DNAJA3: variants seen among roughly 807,000 people sequenced by gnomAD.
DNAJA3 encodes dnaJ homolog subfamily A member 3, mitochondrial.
Under a neutral mutation model 54.9 loss-of-function variants are expected in DNAJA3, and 29 were observed. That is an observed-to-expected ratio of 0.53 (90% confidence interval 0.39 to 0.72). The LOEUF (loss-of-function observed/expected upper bound fraction) is 0.72. DNAJA3 is among the 30% of genes least tolerant of loss of function. DNAJA3 has a pLI of 0.00. For synonymous variants in DNAJA3, 302 were observed against 251.4 expected (o/e 1.20, Z -1.90); for missense variants, 708 against 639.4 (o/e 1.11, Z -1.16).
intron 7 of DNAJA3, among the ~76,000 whole-genome samples, chr16:4,444,940 A>G (rs1046425339): frequency 4.6e-5 from 7 of 152,222 alleles, no homozygotes; most frequent in Non-Finnish European, 1.5e-5. Context: ...CTTCTTCAAC[A>G]TGCTAACAAG....
chr16:4,455,507 A>G, intron 11 of DNAJA3, 39 bp from the exon 12 acceptor site: 1 of 1,551,040 alleles, frequency 6.4e-7, no homozygotes, highest in Non-Finnish European at 8.7e-7. Context: ...TTCCCTTGAA[A>G]TGTTGAGTAT....
intron 2 of DNAJA3, among the ~76,000 whole-genome samples, chr16:4,437,115 C>CAT (rs1259500528): frequency 6.6e-6 from 1 of 152,158 alleles, no homozygotes; most frequent in African/African-American, 2.4e-5. Context: ...GGACCACAGG[C>CAT]ATGTGCCACC....
chr16:4,429,281 C>T (rs1328438939), intron 1 of DNAJA3, among the ~76,000 whole-genome samples: 1 of 151,684 alleles, frequency 6.6e-6, no homozygotes, highest in Non-Finnish European at 1.5e-5. Context: ...GATCTTGACT[C>T]ACCGTGATCT....
At chr16:4,438,018 A>G (rs577983252) in intron 3 of DNAJA3, among the ~76,000 whole-genome samples, 16 of 152,044 alleles carry the variant, frequency 1.1e-4, no homozygotes, top group Non-Finnish European at 2.2e-4. Context: ...TGGAATCTCA[A>G]TGAAGAACAG....
chr16:4,443,055 G>T lies in DNAJA3; in HGVS notation c.822G>T (p.Thr274=), dbSNP rs746113110. ...CAGGCCCTTTTGTGATGCGTTCCAC[G>T]TGTAGGAGATGTGGTGGCCGCGGCT... ...INTGPFVMRS[T]CRRCGGRGSI... The change falls in exon 6 of 12, where the codon ACG becomes ACT. Residue 274 remains threonine, a synonymous_variant. Transcript: ENST00000262375. 6.2e-7 allele frequency: 1 copy of T among 1,614,112 alleles called. No homozygotes were observed. The highest frequency in any genetic ancestry group is 2.2e-5 in the East Asian group (1 of 44,882).
chr16:4,437,786 C>CAAA (rs1209856777), intron 3 of DNAJA3, among the ~76,000 whole-genome samples: 1 of 76,790 alleles, frequency 1.3e-5, no homozygotes, highest in Admixed American at 1.6e-4. Flanking sequence ...CACGTCTCTA[C>CAAA]AAAAAAAAAA....
At chr16:4,453,736 C>T (rs1357390825) in intron 10 of DNAJA3, among the ~76,000 whole-genome samples, 1 of 152,154 alleles carries the variant, frequency 6.6e-6, no homozygotes, top group Non-Finnish European at 1.5e-5. Flanking sequence ...CCGGCCTTTT[C>T]TTTTTTGAGA....
chr16:4,427,399 T>G (rs1167089854), intron 1 of DNAJA3: 1 of 152,230 alleles, frequency 6.6e-6, no homozygotes, highest in African/African-American at 2.4e-5. Context: ...TGCAATCCAG[T>G]TTGTAATAGT....
intron 10 of DNAJA3, among the ~76,000 whole-genome samples, chr16:4,450,816 CG>C (rs2056969081): frequency 6.6e-6 from 1 of 152,184 alleles, no homozygotes; most frequent in Non-Finnish European, 1.5e-5. Flanking sequence ...CCTGTGACCT[CG>C]GACAAATCCT....
intron 11 of DNAJA3, 90 bp from the exon 12 acceptor site, chr16:4,455,456 C>A: frequency 6.8e-7 from 1 of 1,475,076 alleles, no homozygotes; most frequent in Non-Finnish European, 9.3e-7. Context: ...CTTGGCACAG[C>A]TGCTTTCCAG....
Position 4,425,957 on chromosome 16 carries a change from G to A in DNAJA3, c.76G>A (p.Gly26Arg). Residue 26 changes from glycine (G) to arginine (R), a missense_variant, in exon 1 of 12, where the codon GGG becomes AGG. Transcript: ENST00000262375. ...TPRLPAISGR[G>R]ARPPREGVVG... ...GCGGCTGCCGGCTATATCGGGTAGA[G>A]GGGCCCGGCCGCCCAGGGAGGGCGT... is the stretch of plus-strand genomic sequence containing the variant. 3 of 1,573,926 alleles carry A rather than the reference G, an allele frequency of 1.9e-6. No individual in the cohort carries two copies. Among genetic ancestry groups the A allele is most frequent in the Non-Finnish European group, 2.6e-6 (3 of 1,161,646 alleles).
At chr16:4,434,293 T>C in intron 1 of DNAJA3, 91 bp from the exon 2 acceptor site, 1 of 1,430,424 alleles carries the variant, frequency 7.0e-7, no homozygotes, top group Non-Finnish European at 9.6e-7. Context: ...TGTTTGTTCC[T>C]TCACAGATAT....
rs2056939055 is a variant in DNAJA3, at chr16:4,448,803, A to G, written c.1196A>G (p.Tyr399Cys). 6.2e-7 allele frequency: 1 copy of G among 1,614,102 alleles called. No individual in the cohort carries two copies. The highest frequency in any genetic ancestry group is 8.5e-7 in the Non-Finnish European group (1 of 1,179,986). Residue 399 changes from tyrosine to cysteine, a missense_variant, in exon 9 of 12, where the codon TAC becomes TGC. Physicochemically the swap from Tyr to Cys is radical, Grantham distance 194 (BLOSUM62 -2). Coordinates refer to ENST00000262375, the MANE Select transcript of DNAJA3 (RefSeq NM_005147.6). ...GGKGIPRINS[Y>C]GYGDHYIHIK... ...AAAGGCATCCCCCGGATTAACAGCT[A>G]CGGCTACGGAGACCACTACATCCAC...
chr16:4,445,598 T>C (rs921223069), intron 7 of DNAJA3, among the ~76,000 whole-genome samples: 2 of 152,216 alleles, frequency 1.3e-5, no homozygotes, highest in Admixed American at 6.5e-5. Flanking sequence ...TTGCCTAGGA[T>C]GAAATGCAGT....
At position 4,450,425 on chromosome 16, in the gene DNAJA3, C is replaced by A; in HGVS notation, c.1267C>A (p.Leu423Met). The stretch of plus-strand genomic sequence containing the variant: ...GAGGCTAACGAGCCGGCAGCAGAGC[C>A]TGATCCTGAGCTACGCCGAGGACGA... ...PKRLTSRQQS[L>M]ILSYAEDETD... The change falls in exon 10 of 12, where the codon CTG (leucine) becomes ATG (methionine). Residue 423 changes from leucine to methionine, a missense_variant. Leu to Met is a conservative substitution (Grantham distance 15). Transcript: ENST00000262375. 2 of 1,611,420 alleles carry A rather than the reference C, an allele frequency of 1.2e-6. No individual in the cohort carries two copies. Among genetic ancestry groups the A allele is most frequent in the Non-Finnish European group, 1.7e-6 (2 of 1,179,220 alleles).
rs966110217 is a variant in DNAJA3 at position 4,443,303 on chromosome 16, AG to A, written c.931+141del. 6.5e-6 allele frequency: 7 copies of A among 1,083,744 alleles called. No individual in the cohort carries two copies. The Admixed American group carries it at 2.1e-4, about 32-fold the overall frequency. 67.1% of individuals were successfully genotyped at this position (1,083,744 alleles called of 1,614,324 possible). A position where few individuals can be genotyped will look rare whatever the true frequency, so the allele number is the denominator to read the frequency against. On this transcript the variant is annotated intron_variant, in intron 6 of 11. Transcript: ENST00000262375. ...GGGCTCTTGGTAGAAGTTATGGTTG[AG>A]GCCCTGGAGCCCCAGGCTGGAGGAG...
intron 1 of DNAJA3, among the ~76,000 whole-genome samples, chr16:4,431,442 A>C (rs995825834): frequency 3.3e-5 from 5 of 152,214 alleles, no homozygotes; most frequent in African/African-American, 1.2e-4. Flanking sequence ...TCTAATTTTA[A>C]GTATCCTGAC....
intron 7 of DNAJA3, 41 bp from the exon 8 acceptor site, chr16:4,446,845 G>T (rs1370274202): frequency 6.2e-7 from 1 of 1,610,160 alleles, no homozygotes; most frequent in Non-Finnish European, 8.5e-7. Context: ...TTAGTCTGCA[G>T]TGGACTTATC....
intron 10 of DNAJA3, 79 bp downstream of exon 10, chr16:4,450,576 T>G (rs1292799480): frequency 1.8e-6 from 2 of 1,137,906 alleles, no homozygotes; most frequent in African/African-American, 3.1e-5. Context: ...GGGCAGCATG[T>G]TGGGGTTTCC....
Sources: allele counts gnomAD v4.1 joint callset (sites outside exome capture counted in the v4.1 genomes callset), GRCh38; gene constraint gnomAD v4.1.1; transcripts MANE v1.5; gene names NCBI Gene and HGNC (gene_info 2026-07-23, HGNC 2026-07-21).